Variants in KCNAB1 observed in about 807,000 individuals in gnomAD.
The protein encoded by KCNAB1 is voltage-gated potassium channel subunit beta-1.
KCNAB1 carries 35 observed loss-of-function variants against 64.6 expected under a neutral mutation model. That is an observed-to-expected ratio of 0.54 (90% CI 0.41 to 0.72). The LOEUF is 0.72. Among genes scored for constraint, KCNAB1 ranks in the 30% least tolerant of loss-of-function variants. KCNAB1 has a pLI of 0.00. For missense variants in KCNAB1, 401 were observed against 512.9 expected (o/e 0.78, Z 2.11); for synonymous variants, 177 against 183.8 (o/e 0.96, Z 0.30).
At chr3:156,536,605 C>T (rs374228131) in intron 13 of KCNAB1, 53 bp from the exon 14 acceptor site, 148 of 1,269,424 alleles carry the variant, frequency 1.2e-4, no homozygotes, top group Non-Finnish European at 1.6e-4. Context: ...CACAAAAAAC[C>T]GAATGATCAA....
intron 2 of KCNAB1, among the ~76,000 whole-genome samples, chr3:156,430,114 A>C (rs1716103965): frequency 6.6e-6 from 1 of 152,278 alleles, no homozygotes; most frequent in South Asian, 2.1e-4. Context: ...AGAATTGCTG[A>C]CAAGTGGTTG....
intron 1 of KCNAB1, among the ~76,000 whole-genome samples, chr3:156,194,981 T>C (rs1038779791): frequency 2.3e-4 from 35 of 152,018 alleles, no homozygotes; most frequent in Admixed American, 8.5e-4. Context: ...TTCCCCTCCC[T>C]GTGTCCATGT....
chr3:156,270,110 G>T (rs1473834915), intron 1 of KCNAB1, among the ~76,000 whole-genome samples: 1 of 151,876 alleles, frequency 6.6e-6, no homozygotes, highest in Non-Finnish European at 1.5e-5. Context: ...TAGAGACGAG[G>T]TTTCACCGTG....
chr3:156,273,109 C>CCCTCT (rs1228038132), intron 1 of KCNAB1, among the ~76,000 whole-genome samples: 82 of 149,448 alleles, frequency 5.5e-4, no homozygotes, highest in African/African-American at 1.7e-3. Flanking sequence ...CTTTACTCTT[C>CCCTCT]CCTCTCCTCT....
chr3:156,531,316 T>A lies in KCNAB1; in HGVS notation c.1082-93T>A. ...CCTCCACAAAAAGAAGTTAATAAAT[T>A]TTGGCTGCAACAAACAGCTGTAGCA... is the stretch of plus-strand genomic sequence containing the variant. On this transcript the variant is annotated intron_variant, in intron 12 of 13. Transcript: ENST00000490337. The A allele has an allele frequency of 3.3e-6, 3 of 919,358 alleles. No individual in the cohort carries two copies. The Admixed American group carries it at 5.1e-5, about 16-fold the overall frequency. 57.0% of individuals were successfully genotyped at this position (919,358 alleles called of 1,614,324 possible).
intron 1 of KCNAB1, among the ~76,000 whole-genome samples, chr3:156,391,536 AT>A (rs1713042024): frequency 6.6e-6 from 1 of 152,198 alleles, no homozygotes; most frequent in African/African-American, 2.4e-5. Context: ...AAAGTGCTTC[AT>A]TTATTTATCT....
intron 2 of KCNAB1, among the ~76,000 whole-genome samples, chr3:156,450,557 C>G (rs1453720052): frequency 2.0e-5 from 3 of 152,274 alleles, no homozygotes; most frequent in African/African-American, 7.2e-5. Flanking sequence ...TTTACAAATG[C>G]CTGTTGAGGC....
At chr3:156,189,854 G>A (rs1054668894) in intron 1 of KCNAB1, among the ~76,000 whole-genome samples, 1 of 152,200 alleles carries the variant, frequency 6.6e-6, no homozygotes, top group African/African-American at 2.4e-5. Flanking sequence ...GTCAGGGGTT[G>A]AGGGGGGCAT....
At chr3:156,472,432 C>T (rs1713987395) in intron 7 of KCNAB1, among the ~76,000 whole-genome samples, 1 of 152,182 alleles carries the variant, frequency 6.6e-6, no homozygotes, top group Non-Finnish European at 1.5e-5. Flanking sequence ...ACTCGACCCT[C>T]CCCAACCAAT....
At chr3:156,249,263 G>A (rs971521791) in intron 1 of KCNAB1, among the ~76,000 whole-genome samples, 5 of 151,994 alleles carry the variant, frequency 3.3e-5, no homozygotes, top group African/African-American at 1.2e-4. Flanking sequence ...ATGGGAAGGG[G>A]GAACAAGAGT....
At chr3:156,379,290 C>T (rs1241699619) in intron 1 of KCNAB1, among the ~76,000 whole-genome samples, 2 of 152,226 alleles carry the variant, frequency 1.3e-5, no homozygotes, top group South Asian at 2.1e-4. Context: ...ATCCAACAAA[C>T]ATCTCTGCCC....
chr3:156,360,383 A>T (rs1231278329), intron 1 of KCNAB1, among the ~76,000 whole-genome samples: 1 of 152,050 alleles, frequency 6.6e-6, no homozygotes, highest in Admixed American at 6.6e-5. Flanking sequence ...TCAGTTAATG[A>T]CAGATAATTT....
At chr3:156,412,139 A>G (rs1714713644) in intron 1 of KCNAB1, among the ~76,000 whole-genome samples, 1 of 152,190 alleles carries the variant, frequency 6.6e-6, no homozygotes, top group East Asian at 1.9e-4. Context: ...TGAGGGTGCT[A>G]TTATAAATAG....
intron 1 of KCNAB1, among the ~76,000 whole-genome samples, chr3:156,156,854 A>T (rs1038021035): frequency 2.2e-4 from 33 of 152,220 alleles, no homozygotes; most frequent in African/African-American, 7.2e-4. Context: ...TCTTGGAGTC[A>T]TCAGTATATT....
At chr3:156,513,536 T>A (rs752521279) in intron 8 of KCNAB1, among the ~76,000 whole-genome samples, 46 of 152,216 alleles carry the variant, frequency 3.0e-4, no homozygotes, top group Non-Finnish European at 1.6e-4. Flanking sequence ...CAACCCTGTC[T>A]GTGAATTTTA....
At chr3:156,168,563 G>A (rs2108321310) in intron 1 of KCNAB1, among the ~76,000 whole-genome samples, 1 of 152,102 alleles carries the variant, frequency 6.6e-6, no homozygotes, top group Admixed American at 6.5e-5. Flanking sequence ...AAAAATCTGT[G>A]TATTCATTCA....
At chr3:156,504,891 G>A (rs1441648206) in intron 8 of KCNAB1, among the ~76,000 whole-genome samples, 1 of 151,752 alleles carries the variant, frequency 6.6e-6, no homozygotes, top group Non-Finnish European at 1.5e-5. Flanking sequence ...CCTTTGCTGT[G>A]CAGAAGCTTT....
At chr3:156,439,330 A>T (rs1716832617) in intron 2 of KCNAB1, among the ~76,000 whole-genome samples, 1 of 151,134 alleles carries the variant, frequency 6.6e-6, no homozygotes, top group Non-Finnish European at 1.5e-5. Context: ...ATCCATGGGC[A>T]TAATCAATCT....
At chr3:156,347,290 C>A (rs1724541666) in intron 1 of KCNAB1, among the ~76,000 whole-genome samples, 1 of 152,174 alleles carries the variant, frequency 6.6e-6, no homozygotes, top group African/African-American at 2.4e-5. Context: ...GAAATGAGAT[C>A]ACTGGTCACA....
Sources: allele counts gnomAD v4.1 joint callset (sites outside exome capture counted in the v4.1 genomes callset), GRCh38; gene constraint gnomAD v4.1.1; transcripts MANE v1.5; gene names NCBI Gene and HGNC (gene_info 2026-07-23, HGNC 2026-07-21).